Variants in NUMB observed in about 807,000 individuals in gnomAD.
The protein encoded by NUMB is NUMB endocytic adaptor protein, also known as protein numb homolog.
A neutral mutation model predicts 59.7 loss-of-function variants in NUMB; 29 were observed. That is an observed-to-expected ratio of 0.49 (90% CI 0.36 to 0.66). The LOEUF (loss-of-function observed/expected upper bound fraction) is 0.66, where lower values mean the gene tolerates loss of function less well. Among genes scored for constraint, NUMB ranks in the 30% least tolerant of loss-of-function variants. The pLI, the probability that NUMB is intolerant of heterozygous loss-of-function variation, is 0.00. For missense variants in NUMB, 723 were observed against 822.0 expected (o/e 0.88, Z 1.47); for synonymous variants, 288 against 288.2 (o/e 1.00, Z 0.01).
intron 1 of NUMB, among the ~76,000 whole-genome samples, chr14:73,437,384 TTC>T (rs1256052725): frequency 6.6e-6 from 1 of 152,200 alleles, no homozygotes; most frequent in Non-Finnish European, 1.5e-5. Flanking sequence ...AACTGAAGTG[TTC>T]TCTCCAGAAA....
chr14:73,430,566 C>T (rs1289925902), intron 1 of NUMB, among the ~76,000 whole-genome samples: 2 of 151,774 alleles, frequency 1.3e-5, no homozygotes, highest in African/African-American at 2.4e-5. Flanking sequence ...CCTAGGGGGT[C>T]GAGGCTGCAG....
At chr14:73,416,014 C>T (rs960301073) in intron 1 of NUMB, among the ~76,000 whole-genome samples, 1 of 152,242 alleles carries the variant, frequency 6.6e-6, no homozygotes, top group African/African-American at 2.4e-5. Context: ...CAACTAAAGG[C>T]TGTTGGTTCA....
intron 2 of NUMB, among the ~76,000 whole-genome samples, chr14:73,407,988 G>C (rs1162171165): frequency 6.6e-6 from 1 of 152,184 alleles, no homozygotes; most frequent in Non-Finnish European, 1.5e-5. Context: ...AGCATTTTGG[G>C]AGGCCGAGGC....
At chr14:73,348,822 A>G (rs1029858794) in intron 4 of NUMB, among the ~76,000 whole-genome samples, 9 of 152,246 alleles carry the variant, frequency 5.9e-5, no homozygotes, top group Non-Finnish European at 1.3e-4. Flanking sequence ...CACACAACAT[A>G]CTTAAAAGCT....
At chr14:73,433,960 G>A (rs1158747091) in intron 1 of NUMB, among the ~76,000 whole-genome samples, 1 of 152,126 alleles carries the variant, frequency 6.6e-6, no homozygotes, top group Non-Finnish European at 1.5e-5. Flanking sequence ...AGGTGTGGTG[G>A]TGCACGCCTG....
intron 4 of NUMB, among the ~76,000 whole-genome samples, chr14:73,343,961 G>A (rs1357599877): frequency 6.6e-6 from 1 of 151,996 alleles, no homozygotes; most frequent in Admixed American, 6.6e-5. Context: ...TAGGGGTTGG[G>A]GGTTGCCTAA....
intron 1 of NUMB, among the ~76,000 whole-genome samples, chr14:73,451,108 T>G (rs1272160810): frequency 7.6e-6 from 1 of 131,838 alleles, no homozygotes; most frequent in Non-Finnish European, 1.5e-5. Context: ...AAGCCAAGAT[T>G]GCACCATTGC....
intron 10 of NUMB, 30 bp from the exon 11 acceptor site, chr14:73,282,535 C>T: frequency 6.2e-7 from 1 of 1,604,624 alleles, no homozygotes; most frequent in Non-Finnish European, 8.5e-7. Flanking sequence ...TGGCTCCAGA[C>T]AGAAAAATGG....
chr14:73,322,760 G>C (rs1287862057), intron 5 of NUMB: 1 of 152,564 alleles, frequency 6.6e-6, no homozygotes, highest in Non-Finnish European at 1.5e-5. Context: ...ATAATATCTG[G>C]CCTAAATTTA....
chr14:73,330,903 T>C (rs1200500462), intron 4 of NUMB, among the ~76,000 whole-genome samples: 1 of 152,082 alleles, frequency 6.6e-6, no homozygotes, highest in African/African-American at 2.4e-5. Context: ...ATACCAATAG[T>C]GTGGTTCAGT....
chr14:73,276,461 G>C lies in NUMB; in HGVS notation c.*117C>G, dbSNP rs1888159280. The C allele has an allele frequency of 1.3e-6, 1 of 754,728 alleles. No homozygotes were observed. Among genetic ancestry groups the C allele is most frequent in the Non-Finnish European group, 2.1e-6 (1 of 469,888 alleles). 46.8% of individuals were successfully genotyped at this position (754,728 alleles called of 1,614,324 possible). On this transcript the variant is annotated 3_prime_UTR_variant, in exon 13 of 13. Coordinates refer to ENST00000555238, the MANE Select transcript of NUMB (RefSeq NM_001005743.2). ...CTCTGGGCCTGGACTTGTTCCTTGGGACCTTTGGGATTAGTGAAAAGAGTA... is the reference window on the plus strand; with the variant it reads ...CTCTGGGCCTGGACTTGTTCCTTGGCACCTTTGGGATTAGTGAAAAGAGTA...
chr14:73,376,721 A>G (rs919277997), intron 2 of NUMB, among the ~76,000 whole-genome samples: 2 of 152,126 alleles, frequency 1.3e-5, no homozygotes, highest in Admixed American at 1.3e-4. Flanking sequence ...ACATAAACAC[A>G]GTCAACTGGA....
intron 6 of NUMB, among the ~76,000 whole-genome samples, chr14:73,304,816 G>A (rs55788386): frequency 0.16 from 24,204 of 151,946 alleles, 2,716 homozygotes; most frequent in Non-Finnish European, 0.23. Context: ...CTTGGAGTGC[G>A]GTGGTGCGAT....
At chr14:73,299,579 C>T (rs1235253353) in intron 6 of NUMB, among the ~76,000 whole-genome samples, 1 of 139,456 alleles carries the variant, frequency 7.2e-6, no homozygotes, top group African/African-American at 3.0e-5. Flanking sequence ...TATGACATGA[C>T]ATATGTCATG....
chr14:73,383,316 G>C (rs535954983), intron 2 of NUMB, among the ~76,000 whole-genome samples: 1 of 152,022 alleles, frequency 6.6e-6, no homozygotes, highest in Non-Finnish European at 1.5e-5. Flanking sequence ...AAGTTAAATT[G>C]AAAATCGAGA....
chr14:73,276,351 T>G lies in NUMB; in HGVS notation c.*227A>C. On this transcript the variant is annotated 3_prime_UTR_variant, in exon 13 of 13. Coordinates refer to ENST00000555238, the MANE Select transcript of NUMB (RefSeq NM_001005743.2). ...AAGAGGGAGTACAGAAAGCAACATTTCCTTGACTTCTTTAGCCTAATTGCA... is the reference window on the plus strand; with the variant it reads ...AAGAGGGAGTACAGAAAGCAACATTGCCTTGACTTCTTTAGCCTAATTGCA... 1 of 488,782 alleles carries G rather than the reference T, an allele frequency of 2.0e-6. No homozygotes were observed. The highest frequency in any genetic ancestry group is 3.5e-5 in the South Asian group (1 of 28,604). 30.3% of individuals were successfully genotyped at this position (488,782 alleles called of 1,614,324 possible).
chr14:73,302,700 C>G (rs2139861909), intron 6 of NUMB, among the ~76,000 whole-genome samples: 1 of 152,148 alleles, frequency 6.6e-6, no homozygotes, highest in African/African-American at 2.4e-5. Flanking sequence ...GCATGAGCCA[C>G]TGCGCCTGGC....
At chr14:73,355,363 T>C (rs542838069) in intron 4 of NUMB, among the ~76,000 whole-genome samples, 1 of 152,322 alleles carries the variant, frequency 6.6e-6, no homozygotes, top group East Asian at 1.9e-4. Flanking sequence ...GGATTAGTAT[T>C]CTTATCAGAA....
At chr14:73,295,191 T>C (rs1889698979) in intron 7 of NUMB, among the ~76,000 whole-genome samples, 1 of 152,092 alleles carries the variant, frequency 6.6e-6, no homozygotes, top group African/African-American at 2.4e-5. Flanking sequence ...TTTCAGCTTC[T>C]GTTTCATAAA....
Sources: allele counts gnomAD v4.1 joint callset (sites outside exome capture counted in the v4.1 genomes callset), GRCh38; gene constraint gnomAD v4.1.1; transcripts MANE v1.5; gene names NCBI Gene and HGNC (gene_info 2026-07-23, HGNC 2026-07-21).